The following RANGAP1 variants were observed in gnomAD, a reference collection of about 807,000 sequenced individuals.
RANGAP1 encodes the protein ran GTPase-activating protein 1.
In RANGAP1, 38 loss-of-function variants were observed where a neutral mutation model predicts 63.5. That is an observed-to-expected ratio of 0.60 (90% confidence interval 0.46 to 0.78). RANGAP1 has a LOEUF of 0.78. RANGAP1 is among the 30% of genes least tolerant of loss of function. The pLI is 0.00. For missense variants in RANGAP1, 630 were observed against 740.3 expected (o/e 0.85, Z 1.73); for synonymous variants, 329 against 310.5 (o/e 1.06, Z -0.63).
intron 6 of RANGAP1, among the ~76,000 whole-genome samples, chr22:41,261,144 C>A (rs1331888668): frequency 6.6e-6 from 1 of 152,250 alleles, no homozygotes; most frequent in African/African-American, 2.4e-5. Context: ...CACTTCACCA[C>A]TTCTGAGCCT....
Position 41,272,809 on chromosome 22 carries a change from C to T in RANGAP1, c.240+1791G>A, listed in dbSNP as rs549726751. On this transcript the variant is annotated intron_variant, in intron 3 of 15. Transcript: ENST00000356244. Reference sequence around the variant, plus strand: ...GATTACAGGCGTGACCCACCAGGCCCGGCTTTTTTTTTTCTTTTTTTGAGA... The same window carrying T: ...GATTACAGGCGTGACCCACCAGGCCTGGCTTTTTTTTTTCTTTTTTTGAGA... 2.6e-5 allele frequency among the ~76,000 whole-genome samples: 4 copies of T among 151,700 alleles called. No homozygotes were observed. The South Asian group carries it at 6.2e-4, about 24-fold the overall frequency.
intron 12 of RANGAP1, among the ~76,000 whole-genome samples, chr22:41,252,568 GCA>G (rs1181634317): frequency 6.6e-6 from 1 of 152,192 alleles, no homozygotes; most frequent in Admixed American, 6.5e-5. Context: ...GACGGAACAC[GCA>G]GAGAGAAGCC....
intron 5 of RANGAP1, 94 bp downstream of exon 5, chr22:41,264,570 A>T: frequency 7.1e-7 from 1 of 1,416,642 alleles, no homozygotes; most frequent in Non-Finnish European, 9.4e-7. Context: ...ACGGCTGACC[A>T]TCCCAGATGG....
At chr22:41,284,096 A>G (rs2035631865) in intron 1 of RANGAP1, among the ~76,000 whole-genome samples, 1 of 151,788 alleles carries the variant, frequency 6.6e-6, no homozygotes, top group African/African-American at 2.4e-5. Flanking sequence ...AAATACAAAA[A>G]ATTAGCCGGG....
At chr22:41,270,697 C>T (rs988829083) in intron 3 of RANGAP1, among the ~76,000 whole-genome samples, 1 of 152,204 alleles carries the variant, frequency 6.6e-6, no homozygotes, top group Non-Finnish European at 1.5e-5. Context: ...GATCTGCTCC[C>T]ACCGTACATA....
intron 4 of RANGAP1, among the ~76,000 whole-genome samples, chr22:41,266,687 A>G (rs1326677074): frequency 6.6e-6 from 1 of 152,110 alleles, no homozygotes; most frequent in East Asian, 1.9e-4. Context: ...GGCCCCTGCC[A>G]TCACGCCCAG....
intron 2 of RANGAP1, among the ~76,000 whole-genome samples, chr22:41,280,165 A>G (rs1442761824): frequency 1.3e-5 from 2 of 152,210 alleles, no homozygotes; most frequent in African/African-American, 2.4e-5. Context: ...TGTTAGGAAC[A>G]TGCATCAGCA....
At chr22:41,278,128 C>T (rs2035267323) in intron 2 of RANGAP1, among the ~76,000 whole-genome samples, 2 of 151,818 alleles carry the variant, frequency 1.3e-5, no homozygotes, top group African/African-American at 4.8e-5. Flanking sequence ...CCTCCGCCTC[C>T]CGGGTTCAAG....
the RANGAP1 span, among the ~76,000 whole-genome samples, chr22:41,291,700 C>A: frequency 6.6e-6 from 1 of 151,380 alleles, no homozygotes; most frequent in Non-Finnish European, 1.5e-5. Context: ...AGATCGAGAC[C>A]ATCCTGGCTA....
chr22:41,281,296 A>G, intron 1 of RANGAP1: 2 of 771,720 alleles, frequency 2.6e-6, no homozygotes, highest in Non-Finnish European at 3.5e-6. Flanking sequence ...ATCATGTCTT[A>G]GCCTATAAGA....
chr22:41,296,477 T>C, the RANGAP1 span, among the ~76,000 whole-genome samples: 2 of 151,934 alleles, frequency 1.3e-5, no homozygotes, highest in African/African-American at 2.4e-5. Context: ...TGAAACCCCA[T>C]CTCTACTAAA....
chr22:41,282,093 T>G (rs930803205), intron 1 of RANGAP1: 2 of 152,036 alleles, frequency 1.3e-5, no homozygotes, highest in Non-Finnish European at 2.9e-5. Context: ...CACTGCACTC[T>G]AGCCTGGGTG....
chr22:41,253,016 CTG>C, intron 11 of RANGAP1, 25 bp from the exon 12 acceptor site: 1 of 1,427,108 alleles, frequency 7.0e-7, no homozygotes, highest in African/African-American at 1.5e-5. Context: ...CACAGAGGCT[CTG>C]GAGAATTCCG....
chr22:41,270,204 G>A (rs2034721502), intron 3 of RANGAP1, among the ~76,000 whole-genome samples: 1 of 151,154 alleles, frequency 6.6e-6, no homozygotes. Context: ...GCAATGGCCT[G>A]ATGTGGGCTC....
At chr22:41,293,170 G>A in the RANGAP1 span, among the ~76,000 whole-genome samples, 1 of 151,292 alleles carries the variant, frequency 6.6e-6, no homozygotes, top group Non-Finnish European at 1.5e-5. Flanking sequence ...GGGAGGCAGA[G>A]CTTGTAGTGA....
At chr22:41,267,159 G>C (rs1429113150) in intron 4 of RANGAP1, among the ~76,000 whole-genome samples, 2 of 152,114 alleles carry the variant, frequency 1.3e-5, no homozygotes, top group Non-Finnish European at 2.9e-5. Flanking sequence ...GATTATAGGC[G>C]TGAGCCACCA....
chr22:41,249,891 C>A, intron 13 of RANGAP1, 74 bp from the exon 14 acceptor site: 1 of 1,325,234 alleles, frequency 7.5e-7, no homozygotes, highest in Non-Finnish European at 1.1e-6. Flanking sequence ...AGGGTTCCCC[C>A]AACACCGCGC....
In RANGAP1 at chr22:41,275,804, G is replaced by A. The variant is rs181146095; in HGVS notation, c.113-1077C>T. The stretch of plus-strand genomic sequence containing the variant: ...AAGAAAAAAAAAAAAAAATTAGGCT[G>A]GTGTGGTGGCGTGCACCTGTAGTCT... On this transcript the variant is annotated intron_variant, in intron 2 of 15. Coordinates refer to ENST00000356244, the MANE Select transcript of RANGAP1 (RefSeq NM_002883.4). Among the ~76,000 whole-genome samples the A allele has an allele frequency of 9.5e-3, 1,443 of 151,704 alleles. 64 individuals are homozygous for A. Among genetic ancestry groups the A allele is most frequent in the Admixed American group, 0.078 (1,184 of 15,140 alleles).
chr22:41,245,761 G>A lies in RANGAP1; in HGVS notation c.*842C>T, dbSNP rs2032990156. The A allele has an allele frequency of 6.6e-6, 1 of 152,462 alleles. No homozygotes were observed. Among genetic ancestry groups the A allele is most frequent in the Admixed American group, 6.5e-5 (1 of 15,284 alleles). The allele number at this position is 152,462 out of a possible 1,614,324, so 9.4% of individuals were successfully genotyped here. ...AGACCCTACCGCTCCCCTGCCCCAG[G>A]AGGTCCTTTAAGAGCAGCGTCCAGA... is the stretch of plus-strand genomic sequence containing the variant. On this transcript the variant is annotated 3_prime_UTR_variant, in exon 16 of 16. Transcript: ENST00000356244.
Sources: gnomAD v4.1 joint callset for allele counts (sites outside exome capture counted in the v4.1 genomes callset) on GRCh38, gnomAD v4.1.1 for gene constraint, MANE v1.5 for transcripts, NCBI Gene and HGNC (gene_info 2026-07-23, HGNC 2026-07-21) for gene names.